The following GABRB3 variants were observed in gnomAD, a reference collection of about 807,000 sequenced individuals.
GABRB3 encodes gamma-aminobutyric acid type A receptor subunit beta3, also known as gamma-aminobutyric acid receptor subunit beta-3.
A neutral mutation model predicts 52.1 loss-of-function variants in GABRB3; 14 were observed. That is an observed-to-expected ratio of 0.27 (90% CI 0.18 to 0.42). The LOEUF (loss-of-function observed/expected upper bound fraction) is 0.42, where lower values mean the gene tolerates loss of function less well. GABRB3 is among the 10% of genes least tolerant of loss of function. The pLI, the probability that GABRB3 is intolerant of heterozygous loss-of-function variation, is 1.00. For synonymous variants in GABRB3, 260 were observed against 232.3 expected (o/e 1.12, Z -1.08); for missense variants, 307 against 609.1 (o/e 0.50, Z 5.22).
At chr15:26,732,826 T>A (rs1269487288) in intron 3 of GABRB3, among the ~76,000 whole-genome samples, 1 of 152,096 alleles carries the variant, frequency 6.6e-6, no homozygotes, top group African/African-American at 2.4e-5. Context: ...CCATCTCTAC[T>A]AAAATACAAT....
chr15:26,703,358 T>C (rs2140684228), intron 3 of GABRB3, among the ~76,000 whole-genome samples: 1 of 152,276 alleles, frequency 6.6e-6, no homozygotes, highest in Non-Finnish European at 1.5e-5. Context: ...TGATCCCATT[T>C]GCAAGGGAGG....
intron 6 of GABRB3, among the ~76,000 whole-genome samples, chr15:26,570,489 A>C (rs905953422): frequency 6.6e-6 from 1 of 152,244 alleles, no homozygotes; most frequent in African/African-American, 2.4e-5. Context: ...GTCATGCCAC[A>C]GTCAAAATCT....
At chr15:26,601,364 C>T (rs1267369016) in intron 4 of GABRB3, among the ~76,000 whole-genome samples, 25 of 151,652 alleles carry the variant, frequency 1.6e-4, no homozygotes, top group African/African-American at 6.1e-4. Flanking sequence ...GAGCTGAGAT[C>T]GCGCCACTGC....
At chr15:26,729,227 C>T (rs1889846887) in intron 3 of GABRB3, among the ~76,000 whole-genome samples, 1 of 152,042 alleles carries the variant, frequency 6.6e-6, no homozygotes, top group South Asian at 2.1e-4. Context: ...CTGCTCAGCT[C>T]CCCACCCTGG....
intron 3 of GABRB3, among the ~76,000 whole-genome samples, chr15:26,668,081 T>G (rs1218292940): frequency 1.3e-5 from 2 of 151,898 alleles, no homozygotes; most frequent in Admixed American, 6.6e-5. Flanking sequence ...CAGACAAGAG[T>G]CAGAGTCTCA....
chr15:26,650,319 ACCCTTAG>A (rs1887156788), intron 3 of GABRB3, among the ~76,000 whole-genome samples: 1 of 151,968 alleles, frequency 6.6e-6, no homozygotes, highest in South Asian at 2.1e-4. Context: ...CCCCATGCAT[ACCCTTAG>A]CCCCATCTGA....
intron 3 of GABRB3, among the ~76,000 whole-genome samples, chr15:26,637,380 G>A (rs1446618528): frequency 6.6e-6 from 1 of 152,140 alleles, no homozygotes; most frequent in African/African-American, 2.4e-5. Context: ...CTAGATGATA[G>A]GTTTATTTAT....
intron 8 of GABRB3, chr15:26,557,935 A>G (rs968327004): frequency 6.6e-6 from 1 of 152,180 alleles, no homozygotes; most frequent in Non-Finnish European, 1.5e-5. Context: ...CGTACCCATA[A>G]AGGTATTTCT....
At position 26,700,143 on chromosome 15, in the gene GABRB3, T is replaced by C. The variant is rs577231198; in HGVS notation, c.240+72259A>G. Among the ~76,000 whole-genome samples, 161 of 151,942 alleles carry C rather than the reference T, an allele frequency of 1.1e-3. 5 individuals carry two copies. The South Asian group carries it at 0.029, about 28-fold the overall frequency. On this transcript the variant is annotated intron_variant, in intron 3 of 8. Coordinates refer to ENST00000311550, the MANE Select transcript of GABRB3 (RefSeq NM_000814.6). Reference sequence around the variant, plus strand: ...CAGAGAATAAACAAAATTACTAACATTGGGAATAAAAGAAGAGACATCATT... The same window carrying C: ...CAGAGAATAAACAAAATTACTAACACTGGGAATAAAAGAAGAGACATCATT...
At chr15:26,648,784 A>G (rs1887096660) in intron 3 of GABRB3, among the ~76,000 whole-genome samples, 1 of 152,188 alleles carries the variant, frequency 6.6e-6, no homozygotes, top group Non-Finnish European at 1.5e-5. Context: ...ACTAGTGTGG[A>G]GACCATGGTT....
intron 3 of GABRB3, among the ~76,000 whole-genome samples, chr15:26,623,139 C>T (rs570439999): frequency 1.3e-5 from 2 of 152,270 alleles, no homozygotes; most frequent in East Asian, 3.9e-4. Context: ...ACAGCAGGTA[C>T]AGCACATCGA....
At chr15:26,663,624 A>C (rs1283470481) in intron 3 of GABRB3, among the ~76,000 whole-genome samples, 1 of 152,216 alleles carries the variant, frequency 6.6e-6, no homozygotes, top group Non-Finnish European at 1.5e-5. Context: ...ATCGGAAAGC[A>C]TGCACTGAAT....
intron 3 of GABRB3, among the ~76,000 whole-genome samples, chr15:26,674,939 A>G (rs1297209170): frequency 6.6e-6 from 1 of 152,224 alleles, no homozygotes; most frequent in Non-Finnish European, 1.5e-5. Context: ...AGGTAATAAC[A>G]TATCAAATAA....
intron 8 of GABRB3, among the ~76,000 whole-genome samples, chr15:26,554,191 C>CATA (rs1567097873): frequency 6.4e-5 from 1 of 15,572 alleles, no homozygotes; most frequent in African/African-American, 1.5e-4. Flanking sequence ...TATATATATA[C>CATA]TATATATATA....
intron 3 of GABRB3, among the ~76,000 whole-genome samples, chr15:26,694,634 G>T (rs12594018): frequency 0.53 from 80,308 of 152,010 alleles, 23,200 homozygotes; most frequent in East Asian, 0.8. Flanking sequence ...TTTATCCAAT[G>T]CATCATGTCT....
chr15:26,547,179 A>G lies in GABRB3; in HGVS notation c.*614T>C, dbSNP rs553738864. 4.8e-6 allele frequency: 1 copy of G among 209,614 alleles called. No individual in the cohort carries two copies. The highest frequency in any genetic ancestry group is 9.4e-6 in the Non-Finnish European group (1 of 106,330). 13.0% of individuals were successfully genotyped at this position (209,614 alleles called of 1,614,324 possible). On this transcript the variant is annotated 3_prime_UTR_variant, in exon 9 of 9. Transcript: ENST00000311550. ...AAGCACACTGCCAGTGGCTCACCCC[A>G]GCCACTAAACCATTGCAGAAAACGT...
chr15:26,616,959 A>AT (rs1393333773), intron 4 of GABRB3, among the ~76,000 whole-genome samples: 6 of 152,124 alleles, frequency 3.9e-5, no homozygotes, highest in East Asian at 1.9e-4. Context: ...CTTCTGTTAA[A>AT]AAAAAAAACA....
chr15:26,699,804 A>G (rs1888868206), intron 3 of GABRB3, among the ~76,000 whole-genome samples: 1 of 152,072 alleles, frequency 6.6e-6, no homozygotes, highest in East Asian at 1.9e-4. Context: ...AGATTTTTGA[A>G]TTGAATAAAA....
At chr15:26,623,119 G>A (rs1291123510) in intron 3 of GABRB3, among the ~76,000 whole-genome samples, 2 of 152,114 alleles carry the variant, frequency 1.3e-5, no homozygotes, top group African/African-American at 4.8e-5. Flanking sequence ...GATAACCCTC[G>A]GCTAGGTAGA....
Sources: allele counts gnomAD v4.1 joint callset (sites outside exome capture counted in the v4.1 genomes callset), GRCh38; gene constraint gnomAD v4.1.1; transcripts MANE v1.5; gene names NCBI Gene and HGNC (gene_info 2026-07-23, HGNC 2026-07-21).